Variants in HOOK3 observed in about 807,000 individuals in gnomAD.
HOOK3 encodes hook microtubule tethering protein 3.
In HOOK3, 24 loss-of-function variants were observed where a neutral mutation model predicts 116.3. That is an observed-to-expected ratio of 0.21 (90% CI 0.15 to 0.29). HOOK3 has a LOEUF of 0.29. HOOK3 is among the 10% of genes least tolerant of loss of function. The pLI, the probability that HOOK3 is intolerant of heterozygous loss-of-function variation, is 1.00. For missense variants in HOOK3, 632 were observed against 830.2 expected, an observed-to-expected ratio of 0.76 and a Z score of 2.93; for synonymous variants, 275 against 283.0, an observed-to-expected ratio of 0.97 and a Z score of 0.28.
chr8:42,903,181 C>T (rs1175207316), intron 1 of HOOK3, among the ~76,000 whole-genome samples: 7 of 152,088 alleles, frequency 4.6e-5, no homozygotes, highest in Admixed American at 4.6e-4. Context: ...TTGGAAGGAT[C>T]CTCTTATCAG....
At chr8:42,910,525 T>A (rs1392301484) in intron 2 of HOOK3, among the ~76,000 whole-genome samples, 2 of 152,272 alleles carry the variant, frequency 1.3e-5, no homozygotes, top group Non-Finnish European at 2.9e-5. Context: ...TAGCCATGAT[T>A]CTGACTTCAG....
At chr8:42,987,635 G>T (rs1312922656) in intron 15 of HOOK3, among the ~76,000 whole-genome samples, 1 of 152,150 alleles carries the variant, frequency 6.6e-6, no homozygotes, top group Non-Finnish European at 1.5e-5. Flanking sequence ...TGAGAATTTA[G>T]AATTTGCAAA....
chr8:42,898,877 A>G (rs1807122224), intron 1 of HOOK3, among the ~76,000 whole-genome samples: 1 of 152,252 alleles, frequency 6.6e-6, no homozygotes, highest in African/African-American at 2.4e-5. Context: ...CGTGCTCAGA[A>G]CACTTACCTT....
chr8:42,915,037 T>A (rs557405051), intron 2 of HOOK3, among the ~76,000 whole-genome samples: 1 of 152,260 alleles, frequency 6.6e-6, no homozygotes, highest in African/African-American at 2.4e-5. Flanking sequence ...ATGCCGACTT[T>A]AGATACTAGG....
intron 15 of HOOK3, among the ~76,000 whole-genome samples, chr8:42,995,401 C>T (rs1809245038): frequency 6.6e-6 from 1 of 152,148 alleles, no homozygotes; most frequent in Admixed American, 6.6e-5. Context: ...CTACTATATT[C>T]AGTGTTGTTA....
intron 6 of HOOK3, among the ~76,000 whole-genome samples, chr8:42,956,340 T>C (rs533340493): frequency 6.6e-6 from 1 of 152,014 alleles, no homozygotes; most frequent in African/African-American, 2.4e-5. Flanking sequence ...ATAAATAGTA[T>C]TGCTATTTTT....
chr8:42,946,756 T>C (rs1808236093), intron 5 of HOOK3, among the ~76,000 whole-genome samples: 1 of 129,340 alleles, frequency 7.7e-6, no homozygotes, highest in African/African-American at 3.0e-5. Flanking sequence ...CCATTTTCTC[T>C]TTCTTTCTTT....
intron 17 of HOOK3, among the ~76,000 whole-genome samples, chr8:43,006,654 T>C (rs538111389): frequency 1.6e-4 from 25 of 152,322 alleles, no homozygotes; most frequent in Non-Finnish European, 2.8e-4. Flanking sequence ...TAGTGATTCA[T>C]TGGGCTTAGT....
In HOOK3 at chr8:42,911,270, GGTGAAACTCC is replaced by G. The variant is rs1807423660; in HGVS notation, c.143+5015_143+5024del. On this transcript the variant is annotated intron_variant, in intron 2 of 21. Transcript: ENST00000307602. ...AGTTCAAGACCAGCCTGACCAACAT[GGTGAAACTCC>G]GTCTCTACAAAAGTACAAAAATTAG... Among the ~76,000 whole-genome samples, 7 of 152,282 alleles carry G rather than the reference GGTGAAACTCC, an allele frequency of 4.6e-5. No homozygotes were observed. The South Asian group carries it at 1.4e-3, about 32-fold the overall frequency.
intron 11 of HOOK3, among the ~76,000 whole-genome samples, chr8:42,971,707 G>A (rs547557831): frequency 6.6e-6 from 1 of 151,778 alleles, no homozygotes; most frequent in Non-Finnish European, 1.5e-5. Context: ...TTGAGGCAGA[G>A]TCTGGCTCTG....
Position 42,991,694 on chromosome 8 carries a change from G to A in HOOK3, c.1532+4899G>A, listed in dbSNP as rs555932548. ...TGGGATTACAGGCGTGAGCCACTGC[G>A]TCTGGCCAACAATATGCCAACACAT... On this transcript the variant is annotated intron_variant, in intron 15 of 21. Coordinates refer to ENST00000307602, the MANE Select transcript of HOOK3 (RefSeq NM_032410.4). Among the ~76,000 whole-genome samples the A allele has an allele frequency of 1.2e-4, 19 of 152,144 alleles. No individual in the cohort carries two copies. In the East Asian group the frequency reaches 1.5e-3, roughly 12 times the overall value.
At chr8:42,942,476 C>T (rs1018995996) in intron 4 of HOOK3, among the ~76,000 whole-genome samples, 2 of 152,182 alleles carry the variant, frequency 1.3e-5, no homozygotes, top group Admixed American at 6.5e-5. Context: ...TCTTTCCTCA[C>T]CTCCTGTCCA....
chr8:42,902,732 T>A (rs1350259273), intron 1 of HOOK3, among the ~76,000 whole-genome samples: 1 of 152,198 alleles, frequency 6.6e-6, no homozygotes, highest in Non-Finnish European at 1.5e-5. Flanking sequence ...TTTCTTTATA[T>A]GGAAAAACTG....
At chr8:42,961,881 G>T (rs1029165736) in intron 8 of HOOK3, among the ~76,000 whole-genome samples, 1 of 151,952 alleles carries the variant, frequency 6.6e-6, no homozygotes, top group Admixed American at 6.6e-5. Context: ...CCGCCTCCTG[G>T]GCTAAAGCAA....
chr8:42,937,906 T>C lies in HOOK3; in HGVS notation c.268-5407T>C, dbSNP rs536797518. 5.3e-5 allele frequency among the ~76,000 whole-genome samples: 8 copies of C among 152,298 alleles called. No homozygotes were observed. The South Asian group carries it at 1.5e-3, about 28-fold the overall frequency. On this transcript the variant is annotated intron_variant, in intron 4 of 21. Transcript: ENST00000307602. ...GAGTTCTGTAGATGTCTATTAGGTC[T>C]GCTTGGTCCAGAGCTGAGTTCAAGT...
intron 5 of HOOK3, among the ~76,000 whole-genome samples, chr8:42,949,709 A>G (rs986348512): frequency 6.6e-5 from 10 of 152,040 alleles, no homozygotes; most frequent in Non-Finnish European, 1.3e-4. Flanking sequence ...CACGAGGTCA[A>G]GAGATTGAGA....
rs1808775957 is a variant in HOOK3 at position 42,974,183 on chromosome 8, T to C, written c.1310T>C (p.Leu437Pro). Residue 437 changes from leucine (L) to proline (P), a missense_variant, in exon 13 of 22, where the codon CTC becomes CCC. Leu to Pro is a moderately conservative substitution (Grantham distance 98). Around this residue, in one of 3 missense-constraint regions of HOOK3, gnomAD observed 483 missense variants for 648.1 expected, o/e 0.75. Coordinates refer to ENST00000307602, the MANE Select transcript of HOOK3 (RefSeq NM_032410.4). ...TGTGTACAAGCTCAAGAAGGGCAGC[T>C]CACAACACAAGGTAAAAACGTTTTG... ...LRCVQAQEGQ[L>P]TTQGLMPLGS... The C allele has an allele frequency of 6.2e-7, 1 of 1,612,430 alleles. No individual in the cohort carries two copies. The highest frequency in any genetic ancestry group is 8.5e-7 in the Non-Finnish European group (1 of 1,178,546).
Position 42,940,348 on chromosome 8 carries a change from G to C in HOOK3, c.268-2965G>C, listed in dbSNP as rs545127846. On this transcript the variant is annotated intron_variant, in intron 4 of 21. Transcript: ENST00000307602. ...AACACGAAAACCAGTCAGGCGTGGC[G>C]GCGCGCGCCCGCAATCGCAGGCACT... Among the ~76,000 whole-genome samples, 528 of 152,350 alleles carry C rather than the reference G, an allele frequency of 3.5e-3. 5 individuals carry two copies. Among genetic ancestry groups the C allele is most frequent in the African/African-American group, 0.012 (513 of 41,582 alleles).
intron 13 of HOOK3, among the ~76,000 whole-genome samples, chr8:42,974,805 C>A (rs911486776): frequency 5.1e-4 from 78 of 152,302 alleles, no homozygotes; most frequent in African/African-American, 1.8e-3. Flanking sequence ...TAGAAAATGG[C>A]CAAACCCAGA....
Sources: allele counts gnomAD v4.1 joint callset (sites outside exome capture counted in the v4.1 genomes callset), GRCh38; gene constraint gnomAD v4.1.1; regional missense constraint gnomAD v4.1.1; transcripts MANE v1.5; gene names NCBI Gene and HGNC (gene_info 2026-07-23, HGNC 2026-07-21).